AMMECR1: variants seen among roughly 807,000 people sequenced by gnomAD.
AMMECR1 encodes nuclear protein AMMECR1.
AMMECR1 carries 3 observed loss-of-function variants against 22.5 expected under a neutral mutation model. The observed-to-expected ratio is 0.13, with a 90% CI of 0.06 to 0.35. The LOEUF (loss-of-function observed/expected upper bound fraction) is 0.35. AMMECR1 is among the 10% of genes least tolerant of loss of function. The pLI is 1.00. For missense variants in AMMECR1, 235 were observed against 278.7 expected (o/e 0.84, Z 1.12); for synonymous variants, 130 against 116.7 (o/e 1.11, Z -0.74).
chrX:110,385,226 T>G (rs1370286914), intron 2 of AMMECR1, among the ~76,000 whole-genome samples: 1 of 111,559 alleles, frequency 9.0e-6, no homozygotes, highest in Non-Finnish European at 1.9e-5. Flanking sequence ...CTTACCTACC[T>G]CTTAGGGTTT....
intron 1 of AMMECR1, among the ~76,000 whole-genome samples, chrX:110,437,152 C>T (rs1417908201): frequency 9.0e-6 from 1 of 111,671 alleles, no homozygotes; most frequent in East Asian, 2.8e-4. Flanking sequence ...GGAATGCTCT[C>T]TAGTGGGACT....
intron 2 of AMMECR1, among the ~76,000 whole-genome samples, chrX:110,385,984 T>A (rs1438711271): frequency 8.9e-6 from 1 of 112,572 alleles, no homozygotes; most frequent in Non-Finnish European, 1.9e-5. Context: ...GGCTGAATAA[T>A]AGTTCATTAT....
intron 2 of AMMECR1, among the ~76,000 whole-genome samples, chrX:110,403,455 GAC>G (rs919662922): frequency 1.8e-5 from 2 of 111,504 alleles, no homozygotes; most frequent in Admixed American, 9.5e-5. Context: ...CAGACAGACA[GAC>G]ACACACACAC....
intron 2 of AMMECR1, among the ~76,000 whole-genome samples, chrX:110,231,414 TA>T (rs2067565516): frequency 8.9e-6 from 1 of 112,132 alleles, no homozygotes; most frequent in Non-Finnish European, 1.9e-5. Flanking sequence ...CCAGCCAAAC[TA>T]AACTTCATAA....
intron 2 of AMMECR1, among the ~76,000 whole-genome samples, chrX:110,389,499 T>A (rs912693634): frequency 1.6e-4 from 18 of 112,265 alleles, no homozygotes; most frequent in Non-Finnish European, 2.8e-4. Context: ...AAATTTATCA[T>A]CCCTTTGCAA....
chrX:110,434,037 GT>G (rs2068818144), intron 1 of AMMECR1, among the ~76,000 whole-genome samples: 1 of 111,630 alleles, frequency 9.0e-6, no homozygotes, highest in African/African-American at 3.3e-5. Context: ...AGTTGAGGAA[GT>G]CTCCACGAAT....
At chrX:110,383,959 G>C (rs2068437419) in intron 2 of AMMECR1, among the ~76,000 whole-genome samples, 1 of 111,928 alleles carries the variant, frequency 8.9e-6, no homozygotes, top group Admixed American at 9.5e-5. Flanking sequence ...GCTTCGTCAT[G>C]TATAAAACAA....
At chrX:110,402,438 G>C (rs902761244) in intron 2 of AMMECR1, among the ~76,000 whole-genome samples, 4 of 112,967 alleles carry the variant, frequency 3.5e-5, no homozygotes, top group South Asian at 3.6e-4. Context: ...TCCTGTCAGG[G>C]AGAGGAGACG....
chrX:110,400,169 G>A (rs2068554769), intron 2 of AMMECR1, among the ~76,000 whole-genome samples: 1 of 106,319 alleles, frequency 9.4e-6, no homozygotes. Flanking sequence ...ACATTTGGGT[G>A]CAATTTCTAA....
intron 2 of AMMECR1, among the ~76,000 whole-genome samples, chrX:110,408,187 G>A (rs987861068): frequency 4.4e-5 from 5 of 112,600 alleles, no homozygotes; most frequent in African/African-American, 1.6e-4. Flanking sequence ...AGGCTTAGGA[G>A]TCCTGCCAGG....
chrX:110,242,977 ATGTGTACAATAGCAACCGCCC>A (rs1006613597), intron 2 of AMMECR1, among the ~76,000 whole-genome samples: 11 of 112,286 alleles, frequency 9.8e-5, no homozygotes, highest in African/African-American at 3.6e-4. Flanking sequence ...CTTTCTAATA[ATGTGTACAATAGCAACCGCCC>A]TGTCATTTTC....
chrX:110,256,008 T>C (rs767744219), intron 2 of AMMECR1, among the ~76,000 whole-genome samples: 2 of 112,580 alleles, frequency 1.8e-5, no homozygotes, highest in Non-Finnish European at 3.8e-5. Flanking sequence ...CAAAAGAATG[T>C]ATTAAATACA....
chrX:110,256,467 T>C (rs2067711669), intron 2 of AMMECR1, among the ~76,000 whole-genome samples: 2 of 111,633 alleles, frequency 1.8e-5, no homozygotes, highest in African/African-American at 6.5e-5. Context: ...AATATAGATA[T>C]ATTTATTTCT....
At chrX:110,381,548 T>C (rs965572598) in intron 2 of AMMECR1, among the ~76,000 whole-genome samples, 2 of 111,928 alleles carry the variant, frequency 1.8e-5, no homozygotes. Flanking sequence ...GAAATACCAT[T>C]TGATCCAGCA....
At position 110,385,875 on chromosome X, in the gene AMMECR1, G is replaced by A. The variant is rs766534304; in HGVS notation, c.-148+40783C>T. Among the ~76,000 whole-genome samples, 4 of 111,276 alleles carry A rather than the reference G, an allele frequency of 3.6e-5. No homozygotes were observed. The South Asian group carries it at 1.5e-3, about 43-fold the overall frequency. Reference sequence around the variant, plus strand: ...ATCGTTCCCATATTTATGTCCATGTGTACCCAGTGTTTAGCTCCCACTTAC... The same window carrying A: ...ATCGTTCCCATATTTATGTCCATGTATACCCAGTGTTTAGCTCCCACTTAC... On this transcript the variant is annotated intron_variant, in intron 2 of 7. Coordinates refer to the AMMECR1 transcript ENST00000372057.
chrX:110,393,371 C>T (rs938190073), intron 2 of AMMECR1, among the ~76,000 whole-genome samples: 1 of 112,078 alleles, frequency 8.9e-6, no homozygotes, highest in African/African-American at 3.2e-5. Context: ...TTACTATGTA[C>T]CAGGTGCTTT....
At chrX:110,235,998 T>G (rs768859095) in intron 2 of AMMECR1, among the ~76,000 whole-genome samples, 1 of 111,222 alleles carries the variant, frequency 9.0e-6, no homozygotes, top group African/African-American at 3.3e-5. Context: ...AGGGGTAATA[T>G]TTCTAGCAGT....
chrX:110,315,226 T>C (rs959592300), intron 1 of AMMECR1, among the ~76,000 whole-genome samples: 4 of 112,254 alleles, frequency 3.6e-5, no homozygotes, highest in African/African-American at 1.3e-4. Flanking sequence ...GTCCCTCCCA[T>C]AATCAGGAAG....
intron 2 of AMMECR1, among the ~76,000 whole-genome samples, chrX:110,224,810 AAAAAC>A (rs942928238): frequency 1.1e-4 from 12 of 111,657 alleles, no homozygotes; most frequent in Non-Finnish European, 1.5e-4. Context: ...TCCTTAGGTA[AAAAAC>A]AAAACAAAAC....
Sources: allele counts gnomAD v4.1 joint callset (sites outside exome capture counted in the v4.1 genomes callset), GRCh38; gene constraint gnomAD v4.1.1; transcripts MANE v1.5; gene names NCBI Gene and HGNC (gene_info 2026-07-23, HGNC 2026-07-21).